Variants in ZNF727 observed in about 807,000 individuals in gnomAD.
The protein encoded by ZNF727 is zinc finger protein 727.
A neutral mutation model predicts 11.5 loss-of-function variants in ZNF727; 11 were observed. That is an observed-to-expected ratio of 0.95 (90% CI 0.60 to 1.58). The LOEUF is 1.58. Ranked by LOEUF, ZNF727 falls within the 40% of genes most tolerant of loss-of-function variation. The probability of loss-of-function intolerance (pLI) is 0.00; values close to 1 mark genes in which losing one functional copy is unlikely to be tolerated. For missense variants in ZNF727, 533 were observed against 581.7 expected (o/e 0.92, Z 0.86); for synonymous variants, 171 against 196.1 (o/e 0.87, Z 1.07).
At chr7:64,072,909 C>T (rs890300518) in intron 3 of ZNF727, among the ~76,000 whole-genome samples, 1 of 152,084 alleles carries the variant, frequency 6.6e-6, no homozygotes, top group African/African-American at 2.4e-5. Context: ...CCGTATCACC[C>T]AGGCTGGTCT....
At position 64,056,335 on chromosome 7, in the gene ZNF727, C is replaced by T. The variant is rs572531851; in HGVS notation, c.3+10711C>T. Reference sequence around the variant, plus strand: ...TCTAAGAAGTGCTAAGATAGTAACTCGTGACATCAAAATACAGTGTGAGCA... The same window carrying T: ...TCTAAGAAGTGCTAAGATAGTAACTTGTGACATCAAAATACAGTGTGAGCA... On this transcript the variant is annotated intron_variant, in intron 1 of 3. Transcript: ENST00000456806. Among the ~76,000 whole-genome samples the T allele has an allele frequency of 3.9e-5, 6 of 152,140 alleles. No individual in the cohort carries two copies. The South Asian group carries it at 8.3e-4, about 21-fold the overall frequency.
intron 1 of ZNF727, among the ~76,000 whole-genome samples, chr7:64,046,720 T>C (rs1244353198): frequency 6.6e-6 from 1 of 152,202 alleles, no homozygotes; most frequent in African/African-American, 2.4e-5. Flanking sequence ...TTTATAGTAA[T>C]GCCAGAACCG....
chr7:64,052,454 T>C (rs909475400), intron 1 of ZNF727, among the ~76,000 whole-genome samples: 25 of 151,646 alleles, frequency 1.6e-4, no homozygotes, highest in Middle Eastern at 6.8e-3. Flanking sequence ...TCCACCATGA[T>C]TGTGAGGCCT....
chr7:64,066,804 G>A (rs1015866215), intron 1 of ZNF727, among the ~76,000 whole-genome samples: 7 of 152,150 alleles, frequency 4.6e-5, no homozygotes, highest in African/African-American at 7.2e-5. Flanking sequence ...TGACAAATGC[G>A]ATCTAATTAA....
intron 1 of ZNF727, among the ~76,000 whole-genome samples, chr7:64,052,685 G>A (rs1304477965): frequency 6.6e-6 from 1 of 152,196 alleles, no homozygotes; most frequent in African/African-American, 2.4e-5. Flanking sequence ...TGGAAAAGCT[G>A]CAGACACTGG....
In ZNF727 at chr7:64,072,056, CTATT is replaced by C. The variant is rs1293648915; in HGVS notation, c.226+2450_226+2453del. 7.2e-5 allele frequency among the ~76,000 whole-genome samples: 11 copies of C among 152,130 alleles called. 1 individual carries two copies. In the South Asian group the frequency reaches 1.3e-3, roughly 17 times the overall value. On this transcript the variant is annotated intron_variant, in intron 3 of 3. Transcript: ENST00000456806. ...TTTTTAATTCTCAAAACTGCTTTGG[CTATT>C]TAAAGTTTCTTGTAATTACATATAA...
At position 64,081,151 on chromosome 7, in the gene ZNF727, A is replaced by G. The variant is rs1238845815; in HGVS notation, c.*2602A>G. The stretch of plus-strand genomic sequence containing the variant: ...GGTATTCACTTCAGTGGCAGGAGCA[A>G]AGCAGCTGGGAGGGGAGTGGGGGTT... On this transcript the variant is annotated 3_prime_UTR_variant, in exon 4 of 4. Coordinates refer to ENST00000456806, the MANE Select transcript of ZNF727 (RefSeq NM_001159522.3). Among the ~76,000 whole-genome samples the G allele has an allele frequency of 6.6e-6, 1 of 151,958 alleles. No homozygotes were observed. Among genetic ancestry groups the G allele is most frequent in the Non-Finnish European group, 1.5e-5 (1 of 67,974 alleles).
At chr7:64,075,564 A>C (rs573656451) in intron 3 of ZNF727, among the ~76,000 whole-genome samples, 17 of 152,130 alleles carry the variant, frequency 1.1e-4, no homozygotes, top group Non-Finnish European at 1.9e-4. Flanking sequence ...GCCAAAAAAA[A>C]ATTATGCTCT....
intron 1 of ZNF727, among the ~76,000 whole-genome samples, chr7:64,062,442 T>C (rs1169962777): frequency 6.6e-6 from 1 of 151,862 alleles, no homozygotes; most frequent in East Asian, 1.9e-4. Context: ...GATGTATTAT[T>C]CTAGGATAAA....
intron 3 of ZNF727, among the ~76,000 whole-genome samples, chr7:64,074,706 C>G (rs1790014396): frequency 6.6e-6 from 1 of 152,094 alleles, no homozygotes. Context: ...ATCTATTTCA[C>G]TTCGAAAGTA....
intron 1 of ZNF727, among the ~76,000 whole-genome samples, chr7:64,055,721 T>A (rs897910387): frequency 1.3e-5 from 2 of 152,354 alleles, no homozygotes; most frequent in African/African-American, 4.8e-5. Context: ...GTTAATAATA[T>A]TTCATTGCAT....
At chr7:64,052,147 C>T (rs2116272204) in intron 1 of ZNF727, among the ~76,000 whole-genome samples, 1 of 152,274 alleles carries the variant, frequency 6.6e-6, no homozygotes, top group South Asian at 2.1e-4. Flanking sequence ...TGTGTATGAG[C>T]ATCACTCCTC....
At chr7:64,053,659 A>G (rs1789637920) in intron 1 of ZNF727, among the ~76,000 whole-genome samples, 1 of 150,424 alleles carries the variant, frequency 6.6e-6, no homozygotes, top group Non-Finnish European at 1.5e-5. Flanking sequence ...CCCTCCACAC[A>G]TTTTTTTTTG....
chr7:64,064,739 A>G (rs1441465635), intron 1 of ZNF727, among the ~76,000 whole-genome samples: 1 of 152,092 alleles, frequency 6.6e-6, no homozygotes, highest in Non-Finnish European at 1.5e-5. Flanking sequence ...ACTGAAATGG[A>G]CACTTCCTCT....
At position 64,056,703 on chromosome 7, in the gene ZNF727, T is replaced by G. The variant is rs1464813004; in HGVS notation, c.3+11079T>G. Among the ~76,000 whole-genome samples, 3 of 152,170 alleles carry G rather than the reference T, an allele frequency of 2.0e-5. No homozygotes were observed. The East Asian group carries it at 5.8e-4, about 29-fold the overall frequency. On this transcript the variant is annotated intron_variant, in intron 1 of 3. Coordinates refer to ENST00000456806, the MANE Select transcript of ZNF727 (RefSeq NM_001159522.3). The stretch of plus-strand genomic sequence containing the variant: ...TTTATTTAGTAGGAGCATCAACATT[T>G]TCATCCTACAAAAAATGTACATCTT...
At position 64,077,821 on chromosome 7, in the gene ZNF727, T is replaced by C. The variant is rs747799923; in HGVS notation, c.772T>C (p.Cys258Arg). 6.4e-7 allele frequency: 1 copy of C among 1,568,816 alleles called. No homozygotes were observed. Among genetic ancestry groups the C allele is most frequent in the Non-Finnish European group, 8.6e-7 (1 of 1,156,636 alleles). Residue 258 changes from cysteine (C) to arginine (R), a missense_variant, in exon 4 of 4, where the codon TGC becomes CGC. Around this residue, in one of 3 missense-constraint regions of ZNF727, gnomAD observed 463 missense variants for 494.5 expected, o/e 0.94. Coordinates refer to ENST00000456806, the MANE Select transcript of ZNF727 (RefSeq NM_001159522.3). ...TCATACTGGAGACAGACCCTACAAA[T>C]GCGAAGAATGTCACAAAGCCTTTAG... ...RNHTGDRPYKCEECHKAFRCC... is the reference protein window; with the variant it reads ...RNHTGDRPYKREECHKAFRCC...
intron 1 of ZNF727, among the ~76,000 whole-genome samples, chr7:64,054,247 C>T (rs1035184171): frequency 2.0e-5 from 3 of 152,176 alleles, no homozygotes; most frequent in African/African-American, 7.2e-5. Flanking sequence ...GAAAGAAAAA[C>T]TCATCTTCAG....
rs1311262479 is a variant in ZNF727 at position 64,082,892 on chromosome 7, AG to A, written c.*4344del. On this transcript the variant is annotated 3_prime_UTR_variant, in exon 4 of 4. Coordinates refer to ENST00000456806, the MANE Select transcript of ZNF727 (RefSeq NM_001159522.3). The stretch of plus-strand genomic sequence containing the variant: ...CGAGACTCCGTCTCAAAAAAAAAAA[AG>A]AAAGAATGCAGTCTAGCCACATTTT... 1.3e-5 allele frequency among the ~76,000 whole-genome samples: 2 copies of A among 149,988 alleles called. No homozygotes were observed. The highest frequency in any genetic ancestry group is 2.0e-4 in the East Asian group (1 of 5,124).
Position 64,069,520 on chromosome 7 carries a change from C to G in ZNF727, c.137C>G (p.Ala46Gly), listed in dbSNP as rs765706741. 1.3e-6 allele frequency: 2 copies of G among 1,554,534 alleles called. No homozygotes were observed. Among genetic ancestry groups the G allele is most frequent in the South Asian group, 2.4e-5 (2 of 84,644 alleles). ...TTTTTTTCTAATAAAACAGGTCTTG[C>G]TATCTTTAAGCCAGACTTGATTACC... is the stretch of plus-strand genomic sequence containing the variant. ...NYGNLFSLGL[A>G]IFKPDLITYL... Residue 46 changes from alanine (A) to glycine (G), a missense_variant, in exon 3 of 4, where the codon GCT (alanine) becomes GGT (glycine). Around this residue, in one of 3 missense-constraint regions of ZNF727, gnomAD observed 463 missense variants for 494.5 expected, o/e 0.94. Coordinates refer to ENST00000456806, the MANE Select transcript of ZNF727 (RefSeq NM_001159522.3).
Sources: allele counts gnomAD v4.1 joint callset (sites outside exome capture counted in the v4.1 genomes callset), GRCh38; gene constraint gnomAD v4.1.1; regional missense constraint gnomAD v4.1.1; transcripts MANE v1.5; gene names NCBI Gene and HGNC (gene_info 2026-07-23, HGNC 2026-07-21).